NHSL1: variants seen among roughly 807,000 people sequenced by gnomAD.
The protein encoded by NHSL1 is NHS like 1.
In NHSL1, 48 loss-of-function variants were observed where a neutral mutation model predicts 95.0. That is an observed-to-expected ratio of 0.51 (90% CI 0.40 to 0.64). The LOEUF is 0.64. NHSL1 is among the 30% of genes least tolerant of loss of function. NHSL1 has a pLI of 0.00. For missense variants in NHSL1, 1,971 were observed against 2,077.7 expected (o/e 0.95, Z 1.00); for synonymous variants, 783 against 833.9 (o/e 0.94, Z 1.05).
intron 1 of NHSL1, among the ~76,000 whole-genome samples, chr6:138,514,779 C>T (rs567294498): frequency 3.4e-4 from 52 of 152,136 alleles, no homozygotes; most frequent in African/African-American, 1.2e-3. Flanking sequence ...ACAAATCAGC[C>T]AGATGTAGTG....
At chr6:138,490,782 C>T (rs138820522) in intron 2 of NHSL1, among the ~76,000 whole-genome samples, 135 of 152,238 alleles carry the variant, frequency 8.9e-4, no homozygotes, top group African/African-American at 1.5e-3. Context: ...TACAGGCATG[C>T]GCCACCACAC....
chr6:138,538,543 T>A (rs938558515), intron 1 of NHSL1, among the ~76,000 whole-genome samples: 1 of 152,144 alleles, frequency 6.6e-6, no homozygotes, highest in Non-Finnish European at 1.5e-5. Flanking sequence ...ACACATTAAG[T>A]CACTGTTCAT....
chr6:138,575,696 T>C (rs950695085), upstream of NHSL1, among the ~76,000 whole-genome samples: 3 of 152,228 alleles, frequency 2.0e-5, no homozygotes, highest in African/African-American at 4.8e-5. Flanking sequence ...TAGGTAATAA[T>C]TAGATCTTAA....
chr6:138,449,341 C>A (rs1423906246), intron 3 of NHSL1, among the ~76,000 whole-genome samples: 1 of 151,890 alleles, frequency 6.6e-6, no homozygotes, highest in Non-Finnish European at 1.5e-5. Context: ...TTCTTAGGAC[C>A]CAATAAGATG....
chr6:138,574,611 G>C (rs1487110313), upstream of NHSL1, among the ~76,000 whole-genome samples: 1 of 150,508 alleles, frequency 6.6e-6, no homozygotes, highest in Admixed American at 6.6e-5. Flanking sequence ...TGAATCGTTT[G>C]AGCTTAGGAG....
At chr6:138,601,647 A>G (rs1273091008) in intron 1 of NHSL1, among the ~76,000 whole-genome samples, 3 of 152,090 alleles carry the variant, frequency 2.0e-5, no homozygotes, top group African/African-American at 7.2e-5. Flanking sequence ...CCCTGTCTCT[A>G]CTAAAAAAGC....
chr6:138,469,888 G>C (rs1778642281), intron 3 of NHSL1, among the ~76,000 whole-genome samples: 1 of 152,132 alleles, frequency 6.6e-6, no homozygotes, highest in Non-Finnish European at 1.5e-5. Context: ...CTTTTTTGAT[G>C]CTCCACAGAA....
At chr6:138,629,637 C>T (rs1784790402) in intron 1 of NHSL1, among the ~76,000 whole-genome samples, 1 of 152,226 alleles carries the variant, frequency 6.6e-6, no homozygotes, top group Admixed American at 6.5e-5. Flanking sequence ...CCCACCTTGG[C>T]CTCCCAAAGT....
chr6:138,548,631 A>C (rs4510694), upstream of NHSL1, among the ~76,000 whole-genome samples: 875 of 152,272 alleles, frequency 5.7e-3, 21 homozygotes, highest in Admixed American at 0.048. Context: ...CATGGCCTGT[A>C]AATGTGAGGA....
chr6:138,521,578 G>A (rs1161396523), intron 1 of NHSL1, among the ~76,000 whole-genome samples: 4 of 152,084 alleles, frequency 2.6e-5, no homozygotes, highest in African/African-American at 9.7e-5. Flanking sequence ...TAAATTCTTT[G>A]CTTTGGAAGA....
intron 2 of NHSL1, among the ~76,000 whole-genome samples, chr6:138,489,801 AGAGAGAGG>A (rs1247522434): frequency 5.4e-4 from 70 of 128,458 alleles, no homozygotes; most frequent in East Asian, 2.1e-3. Context: ...GAAAGAAAGA[AGAGAGAGG>A]GAGAGAGGGA....
At chr6:138,603,308 C>T (rs1305170705) in intron 1 of NHSL1, among the ~76,000 whole-genome samples, 1 of 152,020 alleles carries the variant, frequency 6.6e-6, no homozygotes, top group African/African-American at 2.4e-5. Flanking sequence ...TCTCAGTCTC[C>T]CAAAGTGCTG....
At chr6:138,566,944 C>A (rs1409384084) in intron 1 of NHSL1, among the ~76,000 whole-genome samples, 2 of 152,118 alleles carry the variant, frequency 1.3e-5, no homozygotes, top group Non-Finnish European at 2.9e-5. Context: ...AGGTAAACTT[C>A]CTTTGGCTAT....
chr6:138,557,222 A>C (rs566989959), intron 1 of NHSL1, among the ~76,000 whole-genome samples: 2 of 152,278 alleles, frequency 1.3e-5, no homozygotes, highest in Non-Finnish European at 2.9e-5. Context: ...TGTAAAAAAC[A>C]TAGTTACATA....
intron 1 of NHSL1, among the ~76,000 whole-genome samples, chr6:138,673,023 ATAGATAGG>A (rs1282477466): frequency 1.1e-3 from 84 of 76,800 alleles, no homozygotes; most frequent in East Asian, 8.5e-3. Flanking sequence ...AGATAGCTAG[ATAGATAGG>A]TAGATAGATA....
intron 2 of NHSL1, among the ~76,000 whole-genome samples, chr6:138,478,012 C>CT (rs71009589): frequency 0.02 from 600 of 30,014 alleles, 91 homozygotes; most frequent in African/African-American, 0.064. Context: ...ATTTATGTCA[C>CT]TTTTTTTTTT....
chr6:138,499,883 G>A (rs558845891), upstream of NHSL1, among the ~76,000 whole-genome samples: 76 of 152,290 alleles, frequency 5.0e-4, no homozygotes, highest in African/African-American at 1.8e-3. Flanking sequence ...CCCAGGCTCT[G>A]CCTCCGATAC....
upstream of NHSL1, among the ~76,000 whole-genome samples, chr6:138,504,227 C>T (rs1780840102): frequency 6.6e-6 from 1 of 151,860 alleles, no homozygotes; most frequent in Non-Finnish European, 1.5e-5. Context: ...AGAATGAGAC[C>T]TTGTCTCTTA....
At chr6:138,608,769 T>C (rs781670322) in intron 1 of NHSL1, among the ~76,000 whole-genome samples, 10 of 152,216 alleles carry the variant, frequency 6.6e-5, no homozygotes, top group Admixed American at 5.9e-4. Flanking sequence ...CCATAATTTA[T>C]AAGACAAATA....
Sources: allele counts gnomAD v4.1 joint callset (sites outside exome capture counted in the v4.1 genomes callset), GRCh38; gene constraint gnomAD v4.1.1; transcripts MANE v1.5; gene names NCBI Gene and HGNC (gene_info 2026-07-23, HGNC 2026-07-21).